ERC2: variants seen among roughly 807,000 people sequenced by gnomAD.
ERC2 encodes ERC protein 2.
In ERC2, 42 loss-of-function variants were observed where a neutral mutation model predicts 114.8. The observed-to-expected ratio is 0.37, with a 90% CI of 0.29 to 0.47. ERC2 has a LOEUF of 0.47. ERC2 is among the 20% of genes least tolerant of loss of function. ERC2 has a pLI of 0.99. For missense variants in ERC2, 939 were observed against 1,150.7 expected, an observed-to-expected ratio of 0.82 and a Z score of 2.66; for synonymous variants, 454 against 425.5, an observed-to-expected ratio of 1.07 and a Z score of -0.82.
intron 17 of ERC2, among the ~76,000 whole-genome samples, chr3:55,592,634 A>AT (rs2057947058): frequency 6.6e-6 from 1 of 152,098 alleles, no homozygotes; most frequent in South Asian, 2.1e-4. Context: ...GACGAAGTGT[A>AT]TTTTTTTCAA....
At chr3:55,589,947 T>A (rs573117911) in intron 17 of ERC2, among the ~76,000 whole-genome samples, 3 of 152,246 alleles carry the variant, frequency 2.0e-5, no homozygotes, top group South Asian at 2.1e-4. Context: ...CTCCCCAGTG[T>A]CCCATCCATG....
At chr3:56,380,285 T>A (rs1001603016) in intron 2 of ERC2, among the ~76,000 whole-genome samples, 3 of 152,110 alleles carry the variant, frequency 2.0e-5, no homozygotes, top group African/African-American at 7.2e-5. Flanking sequence ...CGCTAATAAG[T>A]GAAAGAGCTA....
intron 17 of ERC2, among the ~76,000 whole-genome samples, chr3:55,542,180 G>A (rs764909112): frequency 3.3e-5 from 5 of 152,218 alleles, no homozygotes; most frequent in East Asian, 3.8e-4. Context: ...TCCTACAGAA[G>A]AGGTCAGTTC....
intron 14 of ERC2, among the ~76,000 whole-genome samples, chr3:55,870,352 G>A (rs916232728): frequency 6.6e-6 from 1 of 152,228 alleles, no homozygotes; most frequent in African/African-American, 2.4e-5. Flanking sequence ...TGGGATTACA[G>A]GCATGAGCCA....
intron 14 of ERC2, among the ~76,000 whole-genome samples, chr3:55,837,971 T>A (rs1178423832): frequency 4.0e-5 from 6 of 150,000 alleles, no homozygotes; most frequent in African/African-American, 7.3e-5. Flanking sequence ...TACCAGGAAT[T>A]AAAAAAAAAG....
intron 2 of ERC2, among the ~76,000 whole-genome samples, chr3:56,325,231 T>A (rs2057306920): frequency 6.6e-6 from 1 of 151,860 alleles, no homozygotes; most frequent in African/African-American, 2.4e-5. Context: ...GATTACGAGG[T>A]CAGGAGACTG....
chr3:55,647,576 A>T (rs1045355507), intron 17 of ERC2, among the ~76,000 whole-genome samples: 3 of 152,174 alleles, frequency 2.0e-5, no homozygotes, highest in African/African-American at 7.2e-5. Flanking sequence ...AAGGAAAATT[A>T]AAAAAAGAGA....
At chr3:56,417,761 C>T (rs906909709) in intron 2 of ERC2, among the ~76,000 whole-genome samples, 1 of 152,186 alleles carries the variant, frequency 6.6e-6, no homozygotes, top group Non-Finnish European at 1.5e-5. Context: ...CAGAGGCAGG[C>T]TCCACTAACA....
At chr3:56,080,790 C>T (rs2077193224) in intron 7 of ERC2, 27 bp downstream of exon 7, 1 of 1,604,250 alleles carries the variant, frequency 6.2e-7, no homozygotes, top group Non-Finnish European at 8.5e-7. Context: ...TGATACCCCA[C>T]TTGAAGGTCT....
rs117377532 is a variant in ERC2, at chr3:56,106,259, G to C, written c.1474-25275C>G. 6.6e-4 allele frequency among the ~76,000 whole-genome samples: 101 copies of C among 152,296 alleles called. No homozygotes were observed. In the East Asian group the frequency reaches 0.018, roughly 28 times the overall value. On this transcript the variant is annotated intron_variant, in intron 6 of 17. Coordinates refer to ENST00000288221, the MANE Select transcript of ERC2 (RefSeq NM_015576.3). ...ACCACAGTGAAGAGAGCCAAGCTCC[G>C]CCTGGCAGCACCTCCAGAGATACAA...
chr3:56,167,004 A>C (rs2082354477), intron 4 of ERC2, among the ~76,000 whole-genome samples: 1 of 152,056 alleles, frequency 6.6e-6, no homozygotes, highest in African/African-American at 2.4e-5. Flanking sequence ...AAACTGAATG[A>C]TTTGCTCTGC....
intron 3 of ERC2, among the ~76,000 whole-genome samples, chr3:56,214,685 T>C (rs1298846101): frequency 6.6e-6 from 1 of 151,656 alleles, no homozygotes. Flanking sequence ...CCAAGACACA[T>C]AATTGTCAGA....
At chr3:55,623,366 A>G (rs2059393541) in intron 17 of ERC2, among the ~76,000 whole-genome samples, 1 of 152,162 alleles carries the variant, frequency 6.6e-6, no homozygotes, top group South Asian at 2.1e-4. Context: ...AGAAGTAAAG[A>G]CCCCTACTTT....
chr3:56,382,456 C>A (rs2059787897), intron 2 of ERC2, among the ~76,000 whole-genome samples: 1 of 152,142 alleles, frequency 6.6e-6, no homozygotes, highest in Admixed American at 6.5e-5. Flanking sequence ...CAGAATCAAA[C>A]TTTCCCCCCA....
intron 10 of ERC2, among the ~76,000 whole-genome samples, chr3:55,995,073 G>T (rs1054087730): frequency 6.6e-6 from 1 of 152,128 alleles, no homozygotes; most frequent in Non-Finnish European, 1.5e-5. Flanking sequence ...GGTGGCTCAC[G>T]CCTGTAAACC....
At chr3:55,605,355 C>A (rs2058598357) in intron 17 of ERC2, among the ~76,000 whole-genome samples, 1 of 152,126 alleles carries the variant, frequency 6.6e-6, no homozygotes, top group African/African-American at 2.4e-5. Flanking sequence ...CTCAGCCTCC[C>A]CAGTCACTGG....
intron 15 of ERC2, among the ~76,000 whole-genome samples, chr3:55,702,390 C>A (rs1254870066): frequency 6.6e-6 from 1 of 152,176 alleles, no homozygotes; most frequent in Non-Finnish European, 1.5e-5. Flanking sequence ...TGGTCTGATA[C>A]TCTAGACCGT....
At chr3:56,169,327 T>C (rs1336216513) in intron 4 of ERC2, among the ~76,000 whole-genome samples, 3 of 152,260 alleles carry the variant, frequency 2.0e-5, no homozygotes, top group East Asian at 1.9e-4. Flanking sequence ...TATCATTTAA[T>C]GTTTTAAGCA....
intron 17 of ERC2, among the ~76,000 whole-genome samples, chr3:55,539,941 T>G (rs77876791): frequency 6.6e-5 from 10 of 151,530 alleles, no homozygotes; most frequent in African/African-American, 2.2e-4. Flanking sequence ...TTTTTTTTTT[T>G]TGTAAACTTT....
Sources: allele counts gnomAD v4.1 joint callset (sites outside exome capture counted in the v4.1 genomes callset), GRCh38; gene constraint gnomAD v4.1.1; transcripts MANE v1.5; gene names NCBI Gene and HGNC (gene_info 2026-07-23, HGNC 2026-07-21).